HFE: variants seen among roughly 807,000 people sequenced by gnomAD.
HFE encodes hereditary hemochromatosis protein.
Under a neutral mutation model 40.9 loss-of-function variants are expected in HFE, and 36 were observed. The observed-to-expected ratio is 0.88, with a 90% CI of 0.67 to 1.16. HFE has a LOEUF of 1.16. Ranked by LOEUF, HFE falls within the 50% of genes most tolerant of loss-of-function variation. The pLI, the probability that HFE is intolerant of heterozygous loss-of-function variation, is 0.00. For synonymous variants in HFE, 157 were observed against 165.4 expected (o/e 0.95, Z 0.39); for missense variants, 376 against 432.0 (o/e 0.87, Z 1.15).
At chr6:26,088,128 G>T (rs1561937287) in intron 1 of HFE, among the ~76,000 whole-genome samples, 2 of 152,192 alleles carry the variant, frequency 1.3e-5, no homozygotes, top group Non-Finnish European at 2.9e-5. Flanking sequence ...GGCCTACCTC[G>T]GGCCTTTCCC....
chr6:26,094,587 G>A lies in HFE; in HGVS notation c.*361G>A. ...CTCCTTAAATTTGGGGGACTTACAT[G>A]ATTCATTTTAACATCTGAGAAAAGC... On this transcript the variant is annotated 3_prime_UTR_variant, in exon 6 of 6. Transcript: ENST00000357618. 1.6e-6 allele frequency: 1 copy of A among 641,408 alleles called. No homozygotes were observed. Among genetic ancestry groups the A allele is most frequent in the Non-Finnish European group, 2.8e-6 (1 of 358,678 alleles). The allele number at this position is 641,408 out of a possible 1,614,324, so 39.7% of individuals were successfully genotyped here.
At chr6:26,087,554 G>A in intron 1 of HFE, 38 bp downstream of exon 1, 1 of 1,578,692 alleles carries the variant, frequency 6.3e-7, no homozygotes, top group African/African-American at 1.3e-5. Context: ...GGGGCGCGGC[G>A]GGGGTGGAAA....
chr6:26,091,617 A>G (rs1762714620), intron 3 of HFE, 28 bp downstream of exon 3: 2 of 1,610,578 alleles, frequency 1.2e-6, no homozygotes, highest in South Asian at 2.2e-5. Context: ...TTCTGCCCCT[A>G]TACTCTAGTG....
rs1308280557 is a variant in HFE, at chr6:26,091,405, C to G, written c.432C>G (p.Asp144Glu). The G allele has an allele frequency of 1.2e-6, 2 of 1,614,118 alleles. No individual in the cohort carries two copies. Among genetic ancestry groups the G allele is most frequent in the Non-Finnish European group, 8.5e-7 (1 of 1,180,022 alleles). ...GGAAGTACGGGTATGATGGGCAGGA[C>G]CACCTTGAATTCTGCCCTGACACAC... ...GYWKYGYDGQ[D>E]HLEFCPDTLD... Residue 144 changes from aspartate (D) to glutamate (E), a missense_variant, in exon 3 of 6, where the codon GAC becomes GAG. This residue lies in a region of HFE where 200 missense variants were observed against 228.5 expected (regional missense o/e 0.88). Transcript: ENST00000357618.
intron 1 of HFE, among the ~76,000 whole-genome samples, chr6:26,090,602 T>C (rs772747696): frequency 3.3e-5 from 5 of 151,774 alleles, no homozygotes; most frequent in Non-Finnish European, 7.4e-5. Context: ...TGTCTAATCA[T>C]GAGTATTGGA....
Position 26,090,943 on chromosome 6 carries a change from T to A in HFE, c.179T>A (p.Phe60Tyr). The change falls in exon 2 of 6, where the codon TTC (phenylalanine) becomes TAC (tyrosine). Residue 60 changes from phenylalanine (F) to tyrosine (Y), a missense_variant. Physicochemically the swap from Phe to Tyr is conservative, Grantham distance 22. This residue lies in a region of HFE where 200 missense variants were observed against 228.5 expected (regional missense o/e 0.88). Coordinates refer to ENST00000357618, the MANE Select transcript of HFE (RefSeq NM_000410.4). ...TACGTGGATGACCAGCTGTTCGTGT[T>A]CTATGATCATGAGAGTCGCCGTGTG... The part of the protein sequence containing the change: ...LGYVDDQLFV[F>Y]YDHESRRVEP... 11 of 1,614,180 alleles carry A rather than the reference T, an allele frequency of 6.8e-6. No homozygotes were observed. Among genetic ancestry groups the A allele is most frequent in the Non-Finnish European group, 9.3e-6 (11 of 1,180,022 alleles).
chr6:26,090,533 A>C (rs1561939101), intron 1 of HFE, among the ~76,000 whole-genome samples: 1 of 151,320 alleles, frequency 6.6e-6, no homozygotes, highest in Non-Finnish European at 1.5e-5. Context: ...TCCTGAGTTC[A>C]ACTACCATGG....
rs555147237 is a variant in HFE, at chr6:26,092,568, G to T, written c.617-117G>T. ...CAAAATGGTGTCTCTCCTGTAGCTT[G>T]TTTTTTTCTGAAAAGGGTATTTCCT... is the stretch of plus-strand genomic sequence containing the variant. On this transcript the variant is annotated intron_variant, in intron 3 of 5. Transcript: ENST00000357618. 13 of 1,594,890 alleles carry T rather than the reference G, an allele frequency of 8.2e-6. No individual in the cohort carries two copies. The South Asian group carries it at 1.1e-4, about 14-fold the overall frequency.
chr6:26,092,097 C>G (rs1762751821), intron 3 of HFE, among the ~76,000 whole-genome samples: 1 of 150,382 alleles, frequency 6.6e-6, no homozygotes. Context: ...TCGCTTGAAC[C>G]TGGGAAGCGG....
rs1045537 is a variant in HFE, at chr6:26,096,520, G to C, written c.*2294G>C. On this transcript the variant is annotated 3_prime_UTR_variant, in exon 6 of 6. Coordinates refer to ENST00000357618, the MANE Select transcript of HFE (RefSeq NM_000410.4). Reference sequence around the variant, plus strand: ...ACTTGGCTGCATAAATGTGGTACAAGCATTCTGTCTTGAAGGGCAGGTGCT... The same window carrying C: ...ACTTGGCTGCATAAATGTGGTACAACCATTCTGTCTTGAAGGGCAGGTGCT... 42,704 of 456,408 alleles carry C rather than the reference G, an allele frequency of 0.094. 2,388 individuals are homozygous for C. Among genetic ancestry groups the C allele is most frequent in the African/African-American group, 0.16 (8,123 of 50,146 alleles). The allele number at this position is 456,408 out of a possible 1,614,324, so 28.3% of individuals were successfully genotyped here.
intron 5 of HFE, 52 bp from the exon 6 acceptor site, chr6:26,094,134 A>G: frequency 6.4e-7 from 1 of 1,554,014 alleles, no homozygotes. Flanking sequence ...AGAAGAGGCA[A>G]GATGGTGCCT....
chr6:26,090,216 G>A (rs942736391), intron 1 of HFE, among the ~76,000 whole-genome samples: 2 of 151,982 alleles, frequency 1.3e-5, no homozygotes, highest in Non-Finnish European at 2.9e-5. Context: ...GCTGAGGCAG[G>A]TAGATCATTT....
chr6:26,090,972 C>T lies in HFE; in HGVS notation c.208C>T (p.Pro70Ser). 6.2e-7 allele frequency: 1 copy of T among 1,614,120 alleles called. No individual in the cohort carries two copies. Among genetic ancestry groups the T allele is most frequent in the Non-Finnish European group, 8.5e-7 (1 of 1,180,022 alleles). The change falls in exon 2 of 6, where the codon CCC becomes TCC. Residue 70 changes from proline (P) to serine (S), a missense_variant. Coordinates refer to ENST00000357618, the MANE Select transcript of HFE (RefSeq NM_000410.4). ...FYDHESRRVE[P>S]RTPWVSSRIS... Reference sequence around the variant, plus strand: ...TGATCATGAGAGTCGCCGTGTGGAGCCCCGAACTCCATGGGTTTCCAGTAG... The same window carrying T: ...TGATCATGAGAGTCGCCGTGTGGAGTCCCGAACTCCATGGGTTTCCAGTAG...
chr6:26,088,735 G>A (rs1762459766), intron 1 of HFE, among the ~76,000 whole-genome samples: 1 of 152,160 alleles, frequency 6.6e-6, no homozygotes, highest in South Asian at 2.1e-4. Context: ...ATTAGAGGTT[G>A]AATAATAAAA....
rs1762730853 is a variant in HFE at position 26,091,850 on chromosome 6, A to C, written c.616+261A>C. On this transcript the variant is annotated intron_variant, in intron 3 of 5. Coordinates refer to ENST00000357618, the MANE Select transcript of HFE (RefSeq NM_000410.4). ...TATGGCCCTTGCTTTTTATTTAACC[A>C]ATAATCTTTTGTATATTTATACCTG... Among the ~76,000 whole-genome samples, 3 of 152,202 alleles carry C rather than the reference A, an allele frequency of 2.0e-5. No homozygotes were observed. In the South Asian group the frequency reaches 6.2e-4, roughly 32 times the overall value.
chr6:26,091,111 G>A lies in HFE; in HGVS notation c.340+7G>A. ...AATCACAACCACAGCAAGGGTATGTGGAGAGGGGGCCTCACCTTCCTGAGG... is the reference window on the plus strand; with the variant it reads ...AATCACAACCACAGCAAGGGTATGTAGAGAGGGGGCCTCACCTTCCTGAGG... On this transcript the variant is annotated splice_region_variant and intron_variant, in intron 2 of 5. Transcript: ENST00000357618. The A allele has an allele frequency of 1.2e-6, 2 of 1,614,106 alleles. No individual in the cohort carries two copies. The highest frequency in any genetic ancestry group is 1.3e-5 in the African/African-American group (1 of 75,030).
intron 1 of HFE, among the ~76,000 whole-genome samples, chr6:26,089,913 G>A (rs1376790003): frequency 6.6e-6 from 1 of 152,102 alleles, no homozygotes; most frequent in Non-Finnish European, 1.5e-5. Flanking sequence ...AGGTGACAGA[G>A]CAAGACCCTG....
chr6:26,089,773 A>C (rs1191699538), intron 1 of HFE, among the ~76,000 whole-genome samples: 3 of 152,052 alleles, frequency 2.0e-5, no homozygotes, highest in Admixed American at 2.0e-4. Context: ...CAAAAAATAC[A>C]AAAATTAGCT....
intron 2 of HFE, 50 bp downstream of exon 2, chr6:26,091,154 C>T: frequency 6.2e-7 from 1 of 1,611,470 alleles, no homozygotes; most frequent in Non-Finnish European, 8.5e-7. Flanking sequence ...AGCTTTTCAT[C>T]TTTTCATGCA....
Sources: allele counts gnomAD v4.1 joint callset (sites outside exome capture counted in the v4.1 genomes callset), GRCh38; gene constraint gnomAD v4.1.1; regional missense constraint gnomAD v4.1.1; transcripts MANE v1.5; gene names NCBI Gene and HGNC (gene_info 2026-07-23, HGNC 2026-07-21).